Variants in MAP2 observed in about 807,000 individuals in gnomAD.
The protein encoded by MAP2 is microtubule-associated protein 2.
In MAP2, 14 loss-of-function variants were observed where a neutral mutation model predicts 137.6. The ratio of observed to expected loss-of-function variants is 0.10; its 90% confidence interval spans 0.07 to 0.16. The LOEUF (loss-of-function observed/expected upper bound fraction) is 0.16. Among genes scored for constraint, MAP2 ranks in the 10% least tolerant of loss-of-function variants. The pLI is 1.00. For missense variants in MAP2, 2,088 were observed against 2,191.5 expected (o/e 0.95, Z 0.94); for synonymous variants, 786 against 782.3 (o/e 1.00, Z -0.08).
rs1053296684 is a variant in MAP2 at position 209,730,451 on chromosome 2, G to A, written c.*54G>A. On this transcript the variant is annotated 3_prime_UTR_variant, in exon 16 of 16. Transcript: ENST00000682079. The stretch of plus-strand genomic sequence containing the variant: ...ATATTTAGGCATGAGCTCTTGGCAG[G>A]AGTGGGCTCTGAGCAGTTGTTATAT... 1.5e-6 allele frequency: 2 copies of A among 1,308,260 alleles called. No homozygotes were observed. The highest frequency in any genetic ancestry group is 1.8e-5 in the Admixed American group (1 of 54,588). The allele number at this position is 1,308,260 out of a possible 1,614,324, so 81.0% of individuals were successfully genotyped here. A position where few individuals can be genotyped will look rare whatever the true frequency, so the allele number is the denominator to read the frequency against.
At chr2:209,491,056 C>T (rs1396833314) in intron 1 of MAP2, among the ~76,000 whole-genome samples, 1 of 152,142 alleles carries the variant, frequency 6.6e-6, no homozygotes, top group Non-Finnish European at 1.5e-5. Flanking sequence ...GGAAGTAAAA[C>T]ACTCCTCAGC....
chr2:209,691,281 A>T (rs1293067746), intron 7 of MAP2, among the ~76,000 whole-genome samples: 2 of 152,134 alleles, frequency 1.3e-5, no homozygotes, highest in East Asian at 3.9e-4. Flanking sequence ...AAATGGTGGA[A>T]TCGTTTTTGT....
intron 1 of MAP2, among the ~76,000 whole-genome samples, chr2:209,484,430 G>A (rs1358044878): frequency 2.0e-5 from 3 of 152,066 alleles, no homozygotes; most frequent in Non-Finnish European, 2.9e-5. Context: ...AGTGGCTCAC[G>A]CCCGTAATCC....
chr2:209,595,095 G>A (rs1312442072), intron 3 of MAP2, among the ~76,000 whole-genome samples: 1 of 152,112 alleles, frequency 6.6e-6, no homozygotes, highest in African/African-American at 2.4e-5. Flanking sequence ...ATAAGCAATT[G>A]CACATTGGTA....
At chr2:209,424,913 G>C (rs1309642410) in intron 1 of MAP2, among the ~76,000 whole-genome samples, 2 of 152,166 alleles carry the variant, frequency 1.3e-5, no homozygotes, top group East Asian at 3.9e-4. Flanking sequence ...TTAAACGTTG[G>C]GGGTGGACCT....
At chr2:209,526,020 T>G (rs1469229052) in intron 2 of MAP2, among the ~76,000 whole-genome samples, 2 of 152,190 alleles carry the variant, frequency 1.3e-5, no homozygotes, top group African/African-American at 4.8e-5. Context: ...GTTTTTCATT[T>G]TGTCAAAATG....
At chr2:209,586,857 T>G (rs1202224482) in intron 3 of MAP2, among the ~76,000 whole-genome samples, 1 of 151,530 alleles carries the variant, frequency 6.6e-6, no homozygotes, top group Non-Finnish European at 1.5e-5. Context: ...ATTGGAGGAG[T>G]GGTTGGTGAG....
intron 1 of MAP2, among the ~76,000 whole-genome samples, chr2:209,496,347 A>G (rs1374520809): frequency 1.3e-5 from 2 of 152,198 alleles, no homozygotes; most frequent in Non-Finnish European, 2.9e-5. Flanking sequence ...CCAGCACTCT[A>G]TTAATGTTAT....
At chr2:209,493,108 G>T (rs1293924404) in intron 1 of MAP2, among the ~76,000 whole-genome samples, 1 of 152,052 alleles carries the variant, frequency 6.6e-6, no homozygotes, top group African/African-American at 2.4e-5. Context: ...CAGAACAGAG[G>T]CCTCAGAAAT....
At chr2:209,556,262 TTGAACTCC>T (rs1425664291) in intron 2 of MAP2, among the ~76,000 whole-genome samples, 1 of 152,094 alleles carries the variant, frequency 6.6e-6, no homozygotes. Flanking sequence ...CAAGCTGGTA[TTGAACTCC>T]TGAACTCAAG....
intron 4 of MAP2, among the ~76,000 whole-genome samples, chr2:209,632,253 T>C (rs923270533): frequency 2.0e-5 from 3 of 152,158 alleles, no homozygotes; most frequent in Non-Finnish European, 4.4e-5. Context: ...GGTACTCATC[T>C]ACATATCCAG....
intron 3 of MAP2, among the ~76,000 whole-genome samples, chr2:209,584,706 C>A (rs1183601975): frequency 6.6e-6 from 1 of 152,008 alleles, no homozygotes; most frequent in African/African-American, 2.4e-5. Context: ...ATAGAATAAT[C>A]CCAGGGGAAA....
intron 3 of MAP2, among the ~76,000 whole-genome samples, chr2:209,613,968 T>G (rs1419840304): frequency 6.6e-6 from 1 of 152,150 alleles, no homozygotes; most frequent in Non-Finnish European, 1.5e-5. Flanking sequence ...AGCCCAGGCT[T>G]TAATCTTATT....
At chr2:209,540,630 C>CAA (rs749183996) in intron 2 of MAP2, among the ~76,000 whole-genome samples, 3,128 of 27,558 alleles carry the variant, frequency 0.11, 936 homozygotes, top group South Asian at 0.2. Context: ...GACTCCGTCT[C>CAA]AAAAAAAAAA....
chr2:209,597,991 C>G (rs1488172499), intron 3 of MAP2, among the ~76,000 whole-genome samples: 1 of 151,770 alleles, frequency 6.6e-6, no homozygotes, highest in East Asian at 1.9e-4. Flanking sequence ...AGTGTCTGTC[C>G]TATTCTTTTT....
chr2:209,429,653 T>G (rs1389565942), intron 1 of MAP2, among the ~76,000 whole-genome samples: 3 of 152,208 alleles, frequency 2.0e-5, no homozygotes, highest in East Asian at 1.9e-4. Context: ...TTTCATCGCT[T>G]AACTGTCTAG....
chr2:209,652,863 TTTTTGTTTTG>T (rs543006539), intron 4 of MAP2, among the ~76,000 whole-genome samples: 2 of 152,134 alleles, frequency 1.3e-5, no homozygotes, highest in African/African-American at 4.8e-5. Context: ...GTTGTTTGGT[TTTTTGTTTTG>T]TTTTGTTTTG....
intron 4 of MAP2, among the ~76,000 whole-genome samples, chr2:209,638,419 C>T (rs2093737289): frequency 6.6e-6 from 1 of 152,100 alleles, no homozygotes; most frequent in Admixed American, 6.6e-5. Flanking sequence ...CTCTGAATCA[C>T]AATTACAGCT....
Position 209,731,433 on chromosome 2 carries a change from G to C in MAP2, c.*1036G>C, listed in dbSNP as rs2075760400. ...AGTGCCAGATACAAGTCTCTCCCGTGATGCTAGACAAAAAATTATTTTTCT... is the reference window on the plus strand; with the variant it reads ...AGTGCCAGATACAAGTCTCTCCCGTCATGCTAGACAAAAAATTATTTTTCT... On this transcript the variant is annotated 3_prime_UTR_variant, in exon 16 of 16. Transcript: ENST00000682079. 1 of 152,530 alleles carries C rather than the reference G, an allele frequency of 6.6e-6. No individual in the cohort carries two copies. Among genetic ancestry groups the C allele is most frequent in the African/African-American group, 2.4e-5 (1 of 41,404 alleles). 9.4% of individuals were successfully genotyped at this position (152,530 alleles called of 1,614,324 possible).
Sources: allele counts gnomAD v4.1 joint callset (sites outside exome capture counted in the v4.1 genomes callset), GRCh38; gene constraint gnomAD v4.1.1; transcripts MANE v1.5; gene names NCBI Gene and HGNC (gene_info 2026-07-23, HGNC 2026-07-21).